The following GSG1L variants were observed in gnomAD, a reference collection of about 807,000 sequenced individuals.
GSG1L encodes GSG1 like.
In GSG1L, 24 loss-of-function variants were observed where a neutral mutation model predicts 42.1. The observed-to-expected ratio is 0.57, with a 90% CI of 0.41 to 0.80. The LOEUF (loss-of-function observed/expected upper bound fraction) is 0.80. Among genes scored for constraint, GSG1L ranks in the 30% least tolerant of loss-of-function variants. The pLI, the probability that GSG1L is intolerant of heterozygous loss-of-function variation, is 0.00. For missense variants in GSG1L, 445 were observed against 472.2 expected (o/e 0.94, Z 0.53); for synonymous variants, 215 against 203.5 (o/e 1.06, Z -0.48).
At chr16:28,037,317 C>T (rs953160944) in intron 1 of GSG1L, among the ~76,000 whole-genome samples, 13 of 152,234 alleles carry the variant, frequency 8.5e-5, no homozygotes, top group Admixed American at 3.9e-4. Context: ...TGAGCCACCA[C>T]GCCCAGCCTT....
chr16:27,846,406 C>A (rs2083444142), intron 3 of GSG1L, among the ~76,000 whole-genome samples: 1 of 152,144 alleles, frequency 6.6e-6, no homozygotes, highest in African/African-American at 2.4e-5. Context: ...AAGGACAACT[C>A]CTTATGCCAG....
intron 3 of GSG1L, among the ~76,000 whole-genome samples, chr16:27,860,075 C>A (rs1248636827): frequency 6.6e-6 from 1 of 152,196 alleles, no homozygotes; most frequent in Non-Finnish European, 1.5e-5. Context: ...GACTAGGACA[C>A]CCCTTCAATC....
intron 5 of GSG1L, among the ~76,000 whole-genome samples, chr16:27,828,339 C>G (rs924833871): frequency 6.6e-6 from 1 of 152,188 alleles, no homozygotes; most frequent in African/African-American, 2.4e-5. Flanking sequence ...CCAGCTGGAC[C>G]CTGAAGACTT....
At chr16:27,923,329 A>G (rs1416443060) in intron 2 of GSG1L, among the ~76,000 whole-genome samples, 1 of 152,102 alleles carries the variant, frequency 6.6e-6, no homozygotes, top group Admixed American at 6.6e-5. Flanking sequence ...CAGGAGGATC[A>G]TCCTCACTCC....
At chr16:27,844,591 C>T (rs2083422001) in intron 4 of GSG1L, among the ~76,000 whole-genome samples, 1 of 152,236 alleles carries the variant, frequency 6.6e-6, no homozygotes, top group South Asian at 2.1e-4. Context: ...ATGAGAGTAG[C>T]TGTGTTCCAA....
In GSG1L at chr16:27,885,102, T is replaced by C. The variant is rs561085760; in HGVS notation, c.398-464A>G. ...TTAGGCCAGTTAGTGAGAGGTTCTG[T>C]GTTACCTCCAACTATACATTTTGTT... On this transcript the variant is annotated intron_variant, in intron 2 of 6. Coordinates refer to ENST00000447459, the MANE Select transcript of GSG1L (RefSeq NM_001109763.2). 4.7e-4 allele frequency among the ~76,000 whole-genome samples: 71 copies of C among 152,254 alleles called. 1 individual carries two copies. The highest frequency in any genetic ancestry group is 1.3e-3 in the African/African-American group (53 of 41,540).
chr16:27,942,717 C>T (rs1439706852), intron 2 of GSG1L, among the ~76,000 whole-genome samples: 1 of 152,202 alleles, frequency 6.6e-6, no homozygotes, highest in Non-Finnish European at 1.5e-5. Context: ...CAATGTGATA[C>T]CATTTCTCAC....
chr16:27,946,414 G>A (rs866026321), intron 2 of GSG1L, among the ~76,000 whole-genome samples: 8 of 151,440 alleles, frequency 5.3e-5, no homozygotes, highest in Admixed American at 2.0e-4. Flanking sequence ...GTGTGGTGGC[G>A]GGCACCTGTA....
intron 1 of GSG1L, among the ~76,000 whole-genome samples, chr16:28,033,843 C>G (rs112789528): frequency 4.9e-4 from 74 of 152,162 alleles, no homozygotes; most frequent in African/African-American, 1.7e-3. Context: ...TAATGAAAAA[C>G]AGACTACAAA....
At position 28,046,418 on chromosome 16, in the gene GSG1L, A is replaced by G. The variant is rs534771712; in HGVS notation, c.349+16658T>C. 3.8e-5 allele frequency among the ~76,000 whole-genome samples: 5 copies of G among 132,656 alleles called. No individual in the cohort carries two copies. In the East Asian group the frequency reaches 1.1e-3, roughly 29 times the overall value. The allele number at this position is 132,656 out of a possible 152,430, so 87.0% of individuals were successfully genotyped here. A position where few individuals can be genotyped will look rare whatever the true frequency, so the allele number is the denominator to read the frequency against. On this transcript the variant is annotated intron_variant, in intron 1 of 6. Transcript: ENST00000447459. ...ACCCAGGCTGGAGTGCAGTAGTGTG[A>G]TCTCAGCTCACTGCAAGCTCCGCCT... is the stretch of plus-strand genomic sequence containing the variant.
At chr16:27,975,101 A>G (rs2085236287) in intron 1 of GSG1L, among the ~76,000 whole-genome samples, 2 of 152,128 alleles carry the variant, frequency 1.3e-5, no homozygotes, top group South Asian at 4.1e-4. Context: ...GGTCTTTCCA[A>G]CATGTTCCCA....
chr16:28,049,716 A>T (rs2086202687), intron 1 of GSG1L, among the ~76,000 whole-genome samples: 1 of 151,710 alleles, frequency 6.6e-6, no homozygotes, highest in African/African-American at 2.4e-5. Context: ...AAGAAGTGGA[A>T]GACTAAAGTG....
chr16:28,010,399 A>G (rs2085703047), intron 1 of GSG1L, among the ~76,000 whole-genome samples: 1 of 151,910 alleles, frequency 6.6e-6, no homozygotes. Flanking sequence ...CTGTGGGGGG[A>G]TTTTGCTAAA....
intron 1 of GSG1L, among the ~76,000 whole-genome samples, chr16:28,017,023 G>A (rs2085788800): frequency 6.6e-6 from 1 of 152,236 alleles, no homozygotes; most frequent in Admixed American, 6.5e-5. Context: ...GAGATTGGAT[G>A]CTGACCTTCA....
At chr16:27,930,814 T>G (rs2084648583) in intron 2 of GSG1L, among the ~76,000 whole-genome samples, 1 of 152,194 alleles carries the variant, frequency 6.6e-6, no homozygotes, top group African/African-American at 2.4e-5. Context: ...AGTCTCAAAC[T>G]CCTGGGCTCA....
chr16:27,919,421 C>T (rs1238305735), intron 2 of GSG1L, among the ~76,000 whole-genome samples: 1 of 152,198 alleles, frequency 6.6e-6, no homozygotes. Context: ...TCTTTCTGTT[C>T]CTCAAAACAT....
At chr16:28,005,392 C>G (rs1188317598) in intron 1 of GSG1L, among the ~76,000 whole-genome samples, 1 of 152,130 alleles carries the variant, frequency 6.6e-6, no homozygotes, top group Non-Finnish European at 1.5e-5. Context: ...GGGATTACAG[C>G]CCAGCCTGTC....
At chr16:27,801,468 C>T (rs2082881410) in intron 6 of GSG1L, among the ~76,000 whole-genome samples, 1 of 152,230 alleles carries the variant, frequency 6.6e-6, no homozygotes, top group Non-Finnish European at 1.5e-5. Flanking sequence ...GTTCCTCCTG[C>T]CGGCAAGTCA....
intron 1 of GSG1L, among the ~76,000 whole-genome samples, chr16:28,026,442 C>T (rs1185672459): frequency 6.6e-6 from 1 of 152,180 alleles, no homozygotes. Context: ...GAGCAGGAAG[C>T]AGGATGGGAC....
Sources: gnomAD v4.1 joint callset for allele counts (sites outside exome capture counted in the v4.1 genomes callset) on GRCh38, gnomAD v4.1.1 for gene constraint, MANE v1.5 for transcripts, NCBI Gene and HGNC (gene_info 2026-07-23, HGNC 2026-07-21) for gene names.